The following KIFC3 variants were observed in gnomAD, a reference collection of about 807,000 sequenced individuals.
KIFC3 encodes kinesin-like protein KIFC3.
In KIFC3, 60 loss-of-function variants were observed where a neutral mutation model predicts 101.8. The observed-to-expected ratio is 0.59, with a 90% CI of 0.48 to 0.73. The LOEUF is 0.73. Ranked by LOEUF, KIFC3 falls within the 30% of genes least tolerant of loss-of-function variation. The pLI, the probability that KIFC3 is intolerant of heterozygous loss-of-function variation, is 0.00. For missense variants in KIFC3, 966 were observed against 1,137.1 expected (o/e 0.85, Z 2.16); for synonymous variants, 476 against 482.7 (o/e 0.99, Z 0.18).
Position 57,764,261 on chromosome 16 carries a change from GGGAGGGAGGCTGGT to G in KIFC3, c.1513-28_1513-15del. The G allele has an allele frequency of 2.6e-6, 4 of 1,525,044 alleles. No individual in the cohort carries two copies. The highest frequency in any genetic ancestry group is 2.7e-6 in the Non-Finnish European group (3 of 1,112,816). The allele number at this position is 1,525,044 out of a possible 1,614,324, so 94.5% of individuals were successfully genotyped here. On this transcript the variant is annotated splice_polypyrimidine_tract_variant and intron_variant, in intron 11 of 19. Coordinates refer to ENST00000445690, the MANE Select transcript of KIFC3 (RefSeq NM_001130100.2). ...CTCCTGGAACACCTGGGAGGGTGGT[GGGAGGGAGGCTGGT>G]GGGGGGGCTTCCAGGGCCGCTGGGA...
At chr16:57,783,687 G>C (rs1201878821) in intron 3 of KIFC3, among the ~76,000 whole-genome samples, 1 of 151,970 alleles carries the variant, frequency 6.6e-6, no homozygotes, top group Non-Finnish European at 1.5e-5. Context: ...TGGCCAGGCT[G>C]GTCTTGAACT....
intron 1 of KIFC3, among the ~76,000 whole-genome samples, chr16:57,822,988 T>A (rs975826546): frequency 6.6e-6 from 1 of 152,056 alleles, no homozygotes; most frequent in South Asian, 2.1e-4. Context: ...AAACCCCTCC[T>A]CTTGGCCAAG....
Position 57,764,191 on chromosome 16 carries a change from G to A in KIFC3, c.1569C>T (p.Cys523=). The A allele has an allele frequency of 6.3e-7, 1 of 1,598,190 alleles. No homozygotes were observed. Among genetic ancestry groups the A allele is most frequent in the Non-Finnish European group, 8.5e-7 (1 of 1,171,280 alleles). Residue 523 remains cysteine, a synonymous_variant, in exon 12 of 20, where the codon TGC becomes TGT. Coordinates refer to ENST00000445690, the MANE Select transcript of KIFC3 (RefSeq NM_001130100.2). ...VTSCIDGFNV[C]IFAYGQTGAG... ...CGCCCGTCTGGCCGTACGCAAAGATGCAGACATTGAAGCCATCAATGCAAG... is the reference window on the plus strand; with the variant it reads ...CGCCCGTCTGGCCGTACGCAAAGATACAGACATTGAAGCCATCAATGCAAG...
intron 1 of KIFC3, among the ~76,000 whole-genome samples, chr16:57,809,371 C>T (rs1433388651): frequency 1.3e-5 from 2 of 152,188 alleles, no homozygotes; most frequent in Non-Finnish European, 2.9e-5. Context: ...TCAGAGCTCA[C>T]TGCAGCCTTA....
chr16:57,850,799 A>G (rs1451289937), intron 1 of KIFC3, among the ~76,000 whole-genome samples: 1 of 151,910 alleles, frequency 6.6e-6, no homozygotes, highest in East Asian at 1.9e-4. Flanking sequence ...TTTTTCATAC[A>G]TTGTACGGAG....
At position 57,769,925 on chromosome 16, in the gene KIFC3, C is replaced by A; in HGVS notation, c.970G>T (p.Ala324Ser). 6.2e-7 allele frequency: 1 copy of A among 1,613,528 alleles called. No individual in the cohort carries two copies. Among genetic ancestry groups the A allele is most frequent in the South Asian group, 1.1e-5 (1 of 91,086 alleles). ...ATCTCCTCCAGCATCTGCCCATGGG[C>A]CCGCTCCAGCTCTGACTCGTACATG... ...IAMYESELER[A>S]HGQMLEEMQS... The change falls in exon 8 of 20, where the codon GCC becomes TCC. Residue 324 changes from alanine (A) to serine (S), a missense_variant. Coordinates refer to ENST00000445690, the MANE Select transcript of KIFC3 (RefSeq NM_001130100.2). The surrounding 1 kb of genome is among the most constrained non-coding windows in gnomAD (Gnocchi z 4.3).
chr16:57,851,933 G>C (rs1047157816), intron 1 of KIFC3, among the ~76,000 whole-genome samples: 1 of 151,998 alleles, frequency 6.6e-6, no homozygotes. Context: ...TAGAGATGGG[G>C]TTTCTCCATG....
intron 18 of KIFC3, chr16:57,759,397 G>A: frequency 1.7e-6 from 1 of 600,456 alleles, no homozygotes; most frequent in Admixed American, 3.0e-5. Context: ...GGCTGCAGGG[G>A]CTGCTCTGGA....
intron 1 of KIFC3, among the ~76,000 whole-genome samples, chr16:57,840,875 C>T (rs1228442786): frequency 1.3e-5 from 2 of 152,174 alleles, no homozygotes; most frequent in African/African-American, 4.8e-5. Context: ...ACCTGGCCAC[C>T]TCCCACCTTT....
chr16:57,842,014 C>T lies in KIFC3; in HGVS notation c.108+20715G>A, dbSNP rs75748976. Among the ~76,000 whole-genome samples, 1,280 of 152,204 alleles carry T rather than the reference C, an allele frequency of 8.4e-3. 21 individuals are homozygous for T. The highest frequency in any genetic ancestry group is 0.029 in the African/African-American group (1,223 of 41,516). The stretch of plus-strand genomic sequence containing the variant: ...ACCATCCCCACCGGCCATCTCCTGC[C>T]TTCTCCCTGCGTTTGAATCTCCTCA... On this transcript the variant is annotated intron_variant, in intron 1 of 2. Transcript: ENST00000563028.
At chr16:57,853,430 A>C (rs933678117) in intron 1 of KIFC3, among the ~76,000 whole-genome samples, 15 of 151,676 alleles carry the variant, frequency 9.9e-5, no homozygotes, top group African/African-American at 3.1e-4. Flanking sequence ...AAATAAAATA[A>C]AATAAAATAA....
chr16:57,770,039 C>T, intron 7 of KIFC3, 84 bp from the exon 8 acceptor site: 1 of 1,500,972 alleles, frequency 6.7e-7, no homozygotes, highest in Non-Finnish European at 9.0e-7. Flanking sequence ...AACTGGTCAC[C>T]TCCCATGCAC....
At chr16:57,815,437 C>T (rs1045260967) in intron 1 of KIFC3, 6 of 1,187,300 alleles carry the variant, frequency 5.1e-6, no homozygotes, top group Non-Finnish European at 6.4e-6. Context: ...CCCCTCCAAG[C>T]ATTTTCCAAA....
chr16:57,760,402 C>A lies in KIFC3; in HGVS notation c.2247G>T (p.Glu749Asp). The A allele has an allele frequency of 6.2e-7, 1 of 1,613,796 alleles. No individual in the cohort carries two copies. The highest frequency in any genetic ancestry group is 8.5e-7 in the Non-Finnish European group (1 of 1,179,954). ...TLMVVQVSPV[E>D]KNTSETLYSL... ...AATAGAGCGTCTCGCTAGTGTTCTT[C>A]TCCACGGGGGACACCTAGGGGACAC... is the stretch of plus-strand genomic sequence containing the variant. The change falls in exon 17 of 20, where the codon GAG becomes GAT. Residue 749 changes from glutamate to aspartate, a missense_variant. Glu to Asp is a conservative substitution (Grantham distance 45). Transcript: ENST00000445690.
chr16:57,773,462 G>A (rs1413812407), intron 3 of KIFC3, among the ~76,000 whole-genome samples: 1 of 152,122 alleles, frequency 6.6e-6, no homozygotes, highest in Non-Finnish European at 1.5e-5. Context: ...AGGCCAGCCT[G>A]AGCAACACAG....
intron 1 of KIFC3, among the ~76,000 whole-genome samples, chr16:57,855,908 T>C (rs148015511): frequency 0.067 from 9,844 of 147,148 alleles, 488 homozygotes; most frequent in South Asian, 0.12. Flanking sequence ...ATCATGCCAC[T>C]GCACTCCAGC....
chr16:57,853,812 T>C (rs1431632073), intron 1 of KIFC3, among the ~76,000 whole-genome samples: 2 of 152,074 alleles, frequency 1.3e-5, no homozygotes, highest in Non-Finnish European at 2.9e-5. Context: ...TTTGTATTTT[T>C]AGTAGAGATG....
intron 10 of KIFC3, chr16:57,765,915 G>C: frequency 2.6e-6 from 1 of 387,388 alleles, no homozygotes; most frequent in East Asian, 4.3e-5. Context: ...CTCAAGCACT[G>C]CACCCCGTCA....
chr16:57,816,963 GGC>G (rs1251840495), intron 1 of KIFC3: 1 of 333,322 alleles, frequency 3.0e-6, no homozygotes, highest in Non-Finnish European at 5.9e-6. Context: ...CTACATGCCG[GGC>G]ACCATGGCAT....
Sources: gnomAD v4.1 joint callset for allele counts (sites outside exome capture counted in the v4.1 genomes callset) on GRCh38, gnomAD v4.1.1 for gene constraint, Gnocchi (gnomAD v3.1) non-coding constraint, MANE v1.5 for transcripts, NCBI Gene and HGNC (gene_info 2026-07-23, HGNC 2026-07-21) for gene names.